UBE2R2: variants seen among roughly 807,000 people sequenced by gnomAD.
UBE2R2 encodes the protein ubiquitin conjugating enzyme E2 R2, also known as ubiquitin-conjugating enzyme E2 R2.
In UBE2R2, 1 loss-of-function variant was observed where a neutral mutation model predicts 27.8. That is an observed-to-expected ratio of 0.04 (90% CI 0.01 to 0.17). The LOEUF is 0.17. UBE2R2 is among the 10% of genes least tolerant of loss of function. The probability of loss-of-function intolerance (pLI) is 1.00; values close to 1 mark genes in which losing one functional copy is unlikely to be tolerated. For synonymous variants in UBE2R2, 106 were observed against 113.3 expected (o/e 0.94, Z 0.41); for missense variants, 100 against 291.0 (o/e 0.34, Z 4.78).
In UBE2R2 at chr9:33,886,040, A is replaced by G. The variant is rs967009867; in HGVS notation, c.178-841A>G. On this transcript the variant is annotated intron_variant, in intron 1 of 4. Transcript: ENST00000263228. Reference sequence around the variant, plus strand: ...GTCATCCATGTAAAGAGAATATTTTATGGTGTAAAAAAAATGTTTACAATG... The same window carrying G: ...GTCATCCATGTAAAGAGAATATTTTGTGGTGTAAAAAAAATGTTTACAATG... Among the ~76,000 whole-genome samples the G allele has an allele frequency of 5.3e-5, 8 of 152,228 alleles. No individual in the cohort carries two copies. The South Asian group carries it at 6.2e-4, about 12-fold the overall frequency.
At position 33,917,998 on chromosome 9, in the gene UBE2R2, C is replaced by T. The variant is rs988696537; in HGVS notation, c.*761C>T. 1 of 153,656 alleles carries T rather than the reference C, an allele frequency of 6.5e-6. No homozygotes were observed. The highest frequency in any genetic ancestry group is 2.4e-5 in the African/African-American group (1 of 41,418). The allele number at this position is 153,656 out of a possible 1,614,324, so 9.5% of individuals were successfully genotyped here. A position where few individuals can be genotyped will look rare whatever the true frequency, so the allele number is the denominator to read the frequency against. On this transcript the variant is annotated 3_prime_UTR_variant, in exon 5 of 5. Transcript: ENST00000263228. ...TTCATACTTTCCATAGAACTGAGCA[C>T]TTGGTTGCTATTTATTTTAAAGGCA...
At chr9:33,902,584 CATA>C (rs1472648342) in intron 3 of UBE2R2, among the ~76,000 whole-genome samples, 5 of 152,122 alleles carry the variant, frequency 3.3e-5, no homozygotes, top group Non-Finnish European at 7.4e-5. Context: ...TACAGGGAGA[CATA>C]ATTGCTAGAT....
At chr9:33,851,105 C>A (rs1305120969) in intron 1 of UBE2R2, among the ~76,000 whole-genome samples, 1 of 152,198 alleles carries the variant, frequency 6.6e-6, no homozygotes, top group East Asian at 1.9e-4. Context: ...CCCTCTGAAT[C>A]CTTAGGCAAA....
intron 2 of UBE2R2, among the ~76,000 whole-genome samples, chr9:33,898,120 C>T (rs569158505): frequency 2.0e-5 from 3 of 151,822 alleles, no homozygotes; most frequent in Admixed American, 2.0e-4. Context: ...GAGTCTCGCT[C>T]TGCCGCCCAG....
intron 2 of UBE2R2, among the ~76,000 whole-genome samples, chr9:33,892,047 C>T (rs1472331296): frequency 6.6e-6 from 1 of 152,096 alleles, no homozygotes; most frequent in East Asian, 1.9e-4. Flanking sequence ...TTGTGAAATT[C>T]ATTAGTATCA....
At chr9:33,892,695 A>G (rs757263196) in intron 2 of UBE2R2, among the ~76,000 whole-genome samples, 4 of 152,186 alleles carry the variant, frequency 2.6e-5, no homozygotes, top group Non-Finnish European at 2.9e-5. Context: ...GGATTTACAG[A>G]TCTTATCCAT....
At chr9:33,854,866 G>T (rs969901905) in intron 1 of UBE2R2, among the ~76,000 whole-genome samples, 22 of 151,582 alleles carry the variant, frequency 1.5e-4, no homozygotes, top group African/African-American at 5.1e-4. Context: ...CTACAGGCAG[G>T]CACCCACCTC....
At chr9:33,838,938 C>G (rs887585471) in intron 1 of UBE2R2, among the ~76,000 whole-genome samples, 1 of 151,678 alleles carries the variant, frequency 6.6e-6, no homozygotes, top group Non-Finnish European at 1.5e-5. Context: ...AAAAACTAGC[C>G]GAGCATGGTG....
At chr9:33,865,192 C>CTCTATCTA (rs57240208) in intron 1 of UBE2R2, among the ~76,000 whole-genome samples, 6 of 151,058 alleles carry the variant, frequency 4.0e-5, no homozygotes, top group Non-Finnish European at 8.9e-5. Context: ...CTGTCTCTCT[C>CTCTATCTA]TCTATCTATC....
intron 2 of UBE2R2, among the ~76,000 whole-genome samples, chr9:33,891,753 T>G (rs1255078052): frequency 2.6e-5 from 4 of 152,148 alleles, no homozygotes; most frequent in African/African-American, 4.8e-5. Context: ...TAAATAACTG[T>G]TGTGTTACAT....
At chr9:33,916,701 G>T (rs7022524) in intron 4 of UBE2R2, among the ~76,000 whole-genome samples, 9,229 of 152,168 alleles carry the variant, frequency 0.061, 637 homozygotes, top group African/African-American at 0.17. Context: ...TTCTTAAGTC[G>T]CCGACCTATT....
At position 33,839,206 on chromosome 9, in the gene UBE2R2, G is replaced by T. The variant is rs572801355; in HGVS notation, c.177+21272G>T. Among the ~76,000 whole-genome samples, 16 of 152,262 alleles carry T rather than the reference G, an allele frequency of 1.1e-4. 1 individual carries two copies. The highest frequency in any genetic ancestry group is 3.6e-4 in the African/African-American group (15 of 41,548). ...TTTGGGAGGTGATTACGTCGTGAGG[G>T]CTCTGGCTTCATGAATGAAATTAGT... On this transcript the variant is annotated intron_variant, in intron 1 of 4. Coordinates refer to ENST00000263228, the MANE Select transcript of UBE2R2 (RefSeq NM_017811.4).
At chr9:33,878,667 T>A (rs901986358) in intron 1 of UBE2R2, among the ~76,000 whole-genome samples, 3 of 152,058 alleles carry the variant, frequency 2.0e-5, no homozygotes, top group African/African-American at 7.2e-5. Context: ...GAAAATACAT[T>A]GCGAGGGATG....
intron 3 of UBE2R2, among the ~76,000 whole-genome samples, chr9:33,904,508 ATTG>A (rs1407934449): frequency 1.3e-5 from 2 of 152,178 alleles, no homozygotes; most frequent in Non-Finnish European, 2.9e-5. Flanking sequence ...ACTCAAGACT[ATTG>A]TTCAGCACCT....
At chr9:33,908,152 T>A (rs1241564243) in intron 3 of UBE2R2, among the ~76,000 whole-genome samples, 2 of 152,166 alleles carry the variant, frequency 1.3e-5, no homozygotes, top group East Asian at 3.8e-4. Context: ...TCAAATTCAA[T>A]TTTGTGTATT....
At chr9:33,894,215 T>G (rs1822049102) in intron 2 of UBE2R2, among the ~76,000 whole-genome samples, 1 of 152,000 alleles carries the variant, frequency 6.6e-6, no homozygotes, top group African/African-American at 2.4e-5. Context: ...GAGGATTGCT[T>G]GAGGCTAGGA....
chr9:33,900,059 T>G (rs993762238), intron 2 of UBE2R2, 115 bp from the exon 3 acceptor site: 2 of 673,708 alleles, frequency 3.0e-6, no homozygotes, highest in African/African-American at 3.6e-5. Flanking sequence ...AGCAGAATTG[T>G]TTTCTCCTTT....
chr9:33,912,184 T>C, intron 4 of UBE2R2, 86 bp downstream of exon 4: 1 of 1,165,922 alleles, frequency 8.6e-7, no homozygotes, highest in Middle Eastern at 2.2e-4. Flanking sequence ...TTAAATATCC[T>C]GTCCATTCCA....
At chr9:33,910,286 T>G (rs990600632) in intron 3 of UBE2R2, among the ~76,000 whole-genome samples, 3 of 152,088 alleles carry the variant, frequency 2.0e-5, no homozygotes, top group Admixed American at 1.3e-4. Flanking sequence ...GTAGCTGGGA[T>G]TACAGGCGCC....
Sources: gnomAD v4.1 joint callset for allele counts (sites outside exome capture counted in the v4.1 genomes callset) on GRCh38, gnomAD v4.1.1 for gene constraint, MANE v1.5 for transcripts, NCBI Gene and HGNC (gene_info 2026-07-23, HGNC 2026-07-21) for gene names.